EFHC2: variants seen among roughly 807,000 people sequenced by gnomAD.
EFHC2 encodes the protein EF-hand domain containing 2.
In EFHC2, 18 loss-of-function variants were observed where a neutral mutation model predicts 52.7. The observed-to-expected ratio is 0.34, with a 90% confidence interval of 0.24 to 0.51. EFHC2 has a LOEUF of 0.51. Among genes scored for constraint, EFHC2 ranks in the 20% least tolerant of loss-of-function variants. EFHC2 has a pLI of 0.97. For synonymous variants in EFHC2, 203 were observed against 204.1 expected (o/e 0.99, Z 0.04); for missense variants, 513 against 562.5 (o/e 0.91, Z 0.89).
chrX:44,342,885 A>AAAAAAAAG (rs1569312396), intron 1 of EFHC2, among the ~76,000 whole-genome samples: 1 of 107,965 alleles, frequency 9.3e-6, no homozygotes, highest in African/African-American at 3.4e-5. Flanking sequence ...CAAAAAAAAA[A>AAAAAAAAG]AAAGAAATGA....
At chrX:44,232,130 C>T (rs1218837987) in intron 10 of EFHC2, among the ~76,000 whole-genome samples, 1 of 112,548 alleles carries the variant, frequency 8.9e-6, no homozygotes, top group Non-Finnish European at 1.9e-5. Flanking sequence ...CAGTGTGTGG[C>T]ACCAGATTTT....
chrX:44,290,820 A>G (rs1211627021), intron 2 of EFHC2, among the ~76,000 whole-genome samples: 1 of 111,759 alleles, frequency 8.9e-6, no homozygotes, highest in Non-Finnish European at 1.9e-5. Flanking sequence ...CATCAGAGAA[A>G]AGCCCGAATG....
chrX:44,307,416 A>G (rs1366890514), intron 2 of EFHC2, among the ~76,000 whole-genome samples: 2 of 111,770 alleles, frequency 1.8e-5, no homozygotes, highest in Non-Finnish European at 3.8e-5. Context: ...ATCTGGATTA[A>G]CTTTAGGTAA....
intron 3 of EFHC2, among the ~76,000 whole-genome samples, chrX:44,265,901 T>C (rs1490505186): frequency 4.5e-5 from 5 of 112,082 alleles, no homozygotes; most frequent in Non-Finnish European, 3.8e-5. Context: ...GCACTCACCT[T>C]GCAGCAAAAG....
rs183288442 is a variant in EFHC2 at position 44,231,572 on chromosome X, A to C, written c.1620+909T>G. Among the ~76,000 whole-genome samples, 86 of 105,509 alleles carry C rather than the reference A, an allele frequency of 8.2e-4. No homozygotes were observed. The East Asian group carries it at 0.016, about 19-fold the overall frequency. The allele number at this position is 105,509 out of a possible 115,157, so 91.6% of individuals were successfully genotyped here. Reference sequence around the variant, plus strand: ...TATCCTTCTCAGAAATTTCCACCACAACATCTCTCACACTTCTCATTCTGT... The same window carrying C: ...TATCCTTCTCAGAAATTTCCACCACCACATCTCTCACACTTCTCATTCTGT... On this transcript the variant is annotated intron_variant, in intron 10 of 14. Transcript: ENST00000420999.
chrX:44,193,180 ACT>A, intron 11 of EFHC2, among the ~76,000 whole-genome samples: 1 of 110,624 alleles, frequency 9.0e-6, no homozygotes, highest in South Asian at 3.9e-4. Flanking sequence ...ATTGGTAATA[ACT>A]CTTTCAACCC....
chrX:44,231,660 C>G (rs981387124), intron 10 of EFHC2, among the ~76,000 whole-genome samples: 4 of 111,459 alleles, frequency 3.6e-5, no homozygotes, highest in African/African-American at 9.8e-5. Context: ...ACAGAGACAT[C>G]AATCTTAGCA....
At chrX:44,226,926 A>G (rs999428277) in intron 11 of EFHC2, among the ~76,000 whole-genome samples, 3 of 108,526 alleles carry the variant, frequency 2.8e-5, no homozygotes, top group African/African-American at 1.0e-4. Context: ...AGAAGGAAGG[A>G]AGGAAGGAAG....
At chrX:44,324,793 C>T (rs2038042427) in intron 1 of EFHC2, among the ~76,000 whole-genome samples, 1 of 112,137 alleles carries the variant, frequency 8.9e-6, no homozygotes, top group Admixed American at 9.5e-5. Flanking sequence ...GTTCATTCAA[C>T]CAAGTTGCAG....
At chrX:44,178,873 C>T (rs766701290) in intron 11 of EFHC2, among the ~76,000 whole-genome samples, 1 of 112,078 alleles carries the variant, frequency 8.9e-6, no homozygotes, top group South Asian at 3.7e-4. Flanking sequence ...GGTCAAAAAA[C>T]CTATTACTAA....
intron 14 of EFHC2, among the ~76,000 whole-genome samples, chrX:44,159,693 A>C (rs1345246346): frequency 8.9e-6 from 1 of 112,267 alleles, no homozygotes; most frequent in African/African-American, 3.2e-5. Context: ...CTATGAGTAA[A>C]TTTCTCACCG....
chrX:44,287,651 C>G (rs35019246), intron 2 of EFHC2, among the ~76,000 whole-genome samples: 1 of 112,464 alleles, frequency 8.9e-6, no homozygotes, highest in South Asian at 3.6e-4. Context: ...CATTGAACCT[C>G]GAAGAATTAT....
chrX:44,318,192 C>T (rs781368916), intron 1 of EFHC2, among the ~76,000 whole-genome samples: 7 of 112,426 alleles, frequency 6.2e-5, no homozygotes, highest in Non-Finnish European at 1.1e-4. Flanking sequence ...TGTTATTCTG[C>T]CGCCAAAGGG....
chrX:44,280,549 G>A lies in EFHC2; in HGVS notation c.232-7713C>T, dbSNP rs2037694319. Among the ~76,000 whole-genome samples the A allele has an allele frequency of 3.6e-5, 4 of 111,985 alleles. No individual in the cohort carries two copies. The Admixed American group carries it at 3.8e-4, about 11-fold the overall frequency. On this transcript the variant is annotated intron_variant, in intron 2 of 14. Transcript: ENST00000420999. ...AGCTCTGGACAACGTAGAAAGATAT[G>A]AAGTAAAAATATTAGCAAGAAAGAG...
chrX:44,195,266 C>T (rs968390522), intron 11 of EFHC2, among the ~76,000 whole-genome samples: 2 of 111,373 alleles, frequency 1.8e-5, no homozygotes, highest in African/African-American at 6.5e-5. Flanking sequence ...TCTGCCATCG[C>T]CATGAGAACG....
At chrX:44,199,127 G>A (rs749408296) in intron 11 of EFHC2, among the ~76,000 whole-genome samples, 1 of 112,878 alleles carries the variant, frequency 8.9e-6, no homozygotes, top group Non-Finnish European at 1.9e-5. Flanking sequence ...GAGGGATTTG[G>A]ATCATGGAGG....
intron 8 of EFHC2, among the ~76,000 whole-genome samples, chrX:44,238,927 G>A (rs1465325859): frequency 9.0e-6 from 1 of 111,431 alleles, no homozygotes; most frequent in African/African-American, 3.3e-5. Flanking sequence ...GGCAGGCCTT[G>A]GTGTCTATTT....
At chrX:44,342,878 A>AAAAAAAAAAG in intron 1 of EFHC2, among the ~76,000 whole-genome samples, 1 of 107,588 alleles carries the variant, frequency 9.3e-6, no homozygotes, top group Non-Finnish European at 1.9e-5. Flanking sequence ...TCCGTCTCAA[A>AAAAAAAAAAG]AAAAAAAAAA....
Position 44,261,305 on chromosome X carries a change from C to T in EFHC2, c.383-7G>A, listed in dbSNP as rs751842842. 3 of 1,165,547 alleles carry T rather than the reference C, an allele frequency of 2.6e-6. No individual in the cohort carries two copies. In the African/African-American group the frequency reaches 5.3e-5, roughly 21 times the overall value. ...TGACGCCGGATAGAAGTCCCTATGG[C>T]ATGAAAGAAAATACAACTGTTTTAT... On this transcript the variant is annotated splice_region_variant and splice_polypyrimidine_tract_variant and intron_variant, in intron 3 of 14. Transcript: ENST00000420999.
Sources: allele counts gnomAD v4.1 joint callset (sites outside exome capture counted in the v4.1 genomes callset), GRCh38; gene constraint gnomAD v4.1.1; transcripts MANE v1.5; gene names NCBI Gene and HGNC (gene_info 2026-07-23, HGNC 2026-07-21).